The following IGF2BP2 variants were observed in gnomAD, a reference collection of about 807,000 sequenced individuals.
IGF2BP2 encodes insulin like growth factor 2 mRNA binding protein 2.
Under a neutral mutation model 75.8 loss-of-function variants are expected in IGF2BP2, and 17 were observed. That is an observed-to-expected ratio of 0.22 (90% CI 0.15 to 0.34). IGF2BP2 has a LOEUF of 0.34. Ranked by LOEUF, IGF2BP2 falls within the 10% of genes least tolerant of loss-of-function variation. IGF2BP2 has a pLI of 1.00. For missense variants in IGF2BP2, 516 were observed against 772.4 expected, an observed-to-expected ratio of 0.67 and a Z score of 3.93; for synonymous variants, 288 against 295.6, an observed-to-expected ratio of 0.97 and a Z score of 0.26.
intron 10 of IGF2BP2, among the ~76,000 whole-genome samples, chr3:185,665,353 GAGGAGA>G (rs1688728228): frequency 7.7e-6 from 1 of 130,024 alleles, no homozygotes; most frequent in African/African-American, 2.9e-5. Context: ...GAAGGAGGAG[GAGGAGA>G]AGGAGGAGGA....
chr3:185,651,982 C>T, intron 13 of IGF2BP2, 112 bp downstream of exon 13: 1 of 721,644 alleles, frequency 1.4e-6, no homozygotes, highest in Admixed American at 2.9e-5. Flanking sequence ...TGGTGGGCAG[C>T]AGCAGGGAGG....
At chr3:185,741,038 G>A (rs1023797946) in intron 2 of IGF2BP2, among the ~76,000 whole-genome samples, 5 of 151,998 alleles carry the variant, frequency 3.3e-5, no homozygotes, top group African/African-American at 9.7e-5. Flanking sequence ...CACCATGCCC[G>A]GCTAATTTTG....
At chr3:185,729,391 A>G (rs1727830326) in intron 2 of IGF2BP2, among the ~76,000 whole-genome samples, 1 of 152,208 alleles carries the variant, frequency 6.6e-6, no homozygotes, top group Non-Finnish European at 1.5e-5. Flanking sequence ...ACTGCAAATA[A>G]AACAACTCAC....
Position 185,778,017 on chromosome 3 carries a change from C to CA in IGF2BP2, c.239+45135dup, listed in dbSNP as rs61324315. ...CGAGATTGCAAGAGTGAGACTCCGTCAAAAAAAAAAAAATCACAAATGTGG... is the reference window on the plus strand; with the variant it reads ...CGAGATTGCAAGAGTGAGACTCCGTCAAAAAAAAAAAAAATCACAAATGTGG... On this transcript the variant is annotated intron_variant, in intron 2 of 15. Transcript: ENST00000382199. 5.4e-3 allele frequency among the ~76,000 whole-genome samples: 772 copies of CA among 142,174 alleles called. 1 individual carries two copies. Among genetic ancestry groups the CA allele is most frequent in the African/African-American group, 0.016 (624 of 38,850 alleles). 93.3% of individuals were successfully genotyped at this position (142,174 alleles called of 152,430 possible).
intron 2 of IGF2BP2, chr3:185,821,261 T>G (rs1741339177): frequency 1.4e-6 from 1 of 731,552 alleles, no homozygotes; most frequent in African/African-American, 1.8e-5. Flanking sequence ...ATGTTAAACA[T>G]TTTCAGTGTA....
intron 2 of IGF2BP2, among the ~76,000 whole-genome samples, chr3:185,803,025 C>T (rs747344052): frequency 1.3e-5 from 2 of 152,134 alleles, no homozygotes; most frequent in East Asian, 3.8e-4. Context: ...TTTTAGAGGG[C>T]TGAATGAAAT....
chr3:185,729,087 A>T (rs574346634), intron 2 of IGF2BP2, among the ~76,000 whole-genome samples: 2 of 152,236 alleles, frequency 1.3e-5, no homozygotes, highest in Admixed American at 6.5e-5. Context: ...TCCTTGACAA[A>T]GCAGTAAAGA....
chr3:185,697,804 G>A (rs974657031), intron 3 of IGF2BP2, among the ~76,000 whole-genome samples: 1 of 152,070 alleles, frequency 6.6e-6, no homozygotes, highest in Non-Finnish European at 1.5e-5. Context: ...GGACAACATA[G>A]CAAAACCTCA....
chr3:185,712,363 G>A (rs1330063514), intron 2 of IGF2BP2, among the ~76,000 whole-genome samples: 2 of 151,998 alleles, frequency 1.3e-5, no homozygotes, highest in South Asian at 2.1e-4. Flanking sequence ...GAACAATGAC[G>A]TAAGAAAAAA....
chr3:185,794,011 T>C (rs1736999346), intron 2 of IGF2BP2, among the ~76,000 whole-genome samples: 1 of 146,734 alleles, frequency 6.8e-6, no homozygotes. Context: ...CAGGCTAGAG[T>C]GCAGTGGTAC....
chr3:185,704,198 C>T (rs1578030643), intron 2 of IGF2BP2, among the ~76,000 whole-genome samples: 1 of 152,170 alleles, frequency 6.6e-6, no homozygotes, highest in African/African-American at 2.4e-5. Flanking sequence ...GGCAGGTATG[C>T]TAACCGGCCC....
chr3:185,737,248 T>C (rs957745149), intron 2 of IGF2BP2, among the ~76,000 whole-genome samples: 2 of 152,206 alleles, frequency 1.3e-5, no homozygotes, highest in Admixed American at 1.3e-4. Context: ...CGTTGGCTCC[T>C]CTTTAAATTC....
intron 2 of IGF2BP2, among the ~76,000 whole-genome samples, chr3:185,710,731 T>G (rs1048646380): frequency 1.3e-5 from 2 of 151,430 alleles, no homozygotes; most frequent in Non-Finnish European, 2.9e-5. Context: ...AGACTCAGTC[T>G]CAAAATAAAA....
At chr3:185,713,238 C>T (rs1433250589) in intron 2 of IGF2BP2, 1 of 353,668 alleles carries the variant, frequency 2.8e-6, no homozygotes, top group Non-Finnish European at 5.6e-6. Flanking sequence ...AGAAACAGAA[C>T]TCTGGCCCAT....
At chr3:185,649,011 G>T (rs370100906) in intron 14 of IGF2BP2, among the ~76,000 whole-genome samples, 1 of 151,982 alleles carries the variant, frequency 6.6e-6, no homozygotes, top group Non-Finnish European at 1.5e-5. Flanking sequence ...CATCTCTCTC[G>T]GTGGGAATCC....
chr3:185,667,043 A>C (rs1242487950), intron 10 of IGF2BP2, among the ~76,000 whole-genome samples: 2 of 152,228 alleles, frequency 1.3e-5, no homozygotes, highest in Non-Finnish European at 2.9e-5. Context: ...AAACACACAG[A>C]ATCTGCTGTG....
chr3:185,666,554 C>T (rs1375419968), intron 10 of IGF2BP2, among the ~76,000 whole-genome samples: 1 of 151,828 alleles, frequency 6.6e-6, no homozygotes, highest in African/African-American at 2.4e-5. Flanking sequence ...TACTTGAACC[C>T]GGAGGCAGAG....
intron 2 of IGF2BP2, chr3:185,814,122 G>A (rs1180260875): frequency 1.3e-5 from 2 of 152,190 alleles, no homozygotes; most frequent in African/African-American, 4.8e-5. Flanking sequence ...GAAAGAAAAT[G>A]CAGAAGATGT....
At chr3:185,685,481 TAG>T (rs1720995203) in intron 7 of IGF2BP2, among the ~76,000 whole-genome samples, 1 of 152,194 alleles carries the variant, frequency 6.6e-6, no homozygotes, top group South Asian at 2.1e-4. Context: ...ATAGAAAGGA[TAG>T]AGTCTCTTAT....
Sources: allele counts gnomAD v4.1 joint callset (sites outside exome capture counted in the v4.1 genomes callset), GRCh38; gene constraint gnomAD v4.1.1; transcripts MANE v1.5; gene names NCBI Gene and HGNC (gene_info 2026-07-23, HGNC 2026-07-21).